GMDS: variants seen among roughly 807,000 people sequenced by gnomAD.
GMDS encodes GDP-mannose 4,6 dehydratase.
Under a neutral mutation model 49.9 loss-of-function variants are expected in GMDS, and 20 were observed. The observed-to-expected ratio is 0.40, with a 90% CI of 0.28 to 0.58. The LOEUF (loss-of-function observed/expected upper bound fraction) is 0.58, where lower values mean the gene tolerates loss of function less well. GMDS is among the 20% of genes least tolerant of loss of function. GMDS has a pLI of 0.42. For synonymous variants in GMDS, 177 were observed against 178.6 expected (o/e 0.99, Z 0.07); for missense variants, 362 against 481.4 (o/e 0.75, Z 2.32).
intron 4 of GMDS, among the ~76,000 whole-genome samples, chr6:2,074,115 T>C (rs1772175870): frequency 6.6e-6 from 1 of 152,212 alleles, no homozygotes; most frequent in African/African-American, 2.4e-5. Context: ...AGTGGTTGTA[T>C]TAATTCACCT....
At chr6:1,768,235 A>T (rs1379315486) in intron 7 of GMDS, among the ~76,000 whole-genome samples, 1 of 152,248 alleles carries the variant, frequency 6.6e-6, no homozygotes, top group Non-Finnish European at 1.5e-5. Flanking sequence ...ACTTCAGTAA[A>T]GCATACAATG....
chr6:1,962,493 C>A (rs944660703), intron 4 of GMDS, among the ~76,000 whole-genome samples: 5 of 152,168 alleles, frequency 3.3e-5, no homozygotes, highest in Non-Finnish European at 7.3e-5. Flanking sequence ...AAAATGCCTG[C>A]GTCATTTCAC....
Position 2,086,675 on chromosome 6 carries a change from C to T in GMDS, c.345+29096G>A, listed in dbSNP as rs78315420. 9.9e-3 allele frequency among the ~76,000 whole-genome samples: 1,505 copies of T among 152,324 alleles called. 10 individuals carry two copies. Among genetic ancestry groups the T allele is most frequent in the Non-Finnish European group, 0.016 (1,077 of 68,026 alleles). ...AAAGTTGCTGATAGATTTTCTTCTG[C>T]CTGTGCACATCAGTTAAATGTGTTT... is the stretch of plus-strand genomic sequence containing the variant. On this transcript the variant is annotated intron_variant, in intron 4 of 10. Transcript: ENST00000380815.
intron 7 of GMDS, among the ~76,000 whole-genome samples, chr6:1,902,127 CATTGAGA>C (rs1760532399): frequency 6.6e-6 from 1 of 152,208 alleles, no homozygotes; most frequent in South Asian, 2.1e-4. Context: ...TAATTCTGCA[CATTGAGA>C]ATTAAGTATG....
Position 1,988,852 on chromosome 6 carries a change from A to G in GMDS, c.346-27886T>C, listed in dbSNP as rs559352290. ...ATATAGATAAATGGTTTGGAAAAAA[A>G]CACAGGTGAGAACCAAAAAAAAAAA... On this transcript the variant is annotated intron_variant, in intron 4 of 10. Coordinates refer to ENST00000380815, the MANE Select transcript of GMDS (RefSeq NM_001500.4). Among the ~76,000 whole-genome samples the G allele has an allele frequency of 7.9e-5, 12 of 152,062 alleles. No individual in the cohort carries two copies. The East Asian group carries it at 9.7e-4, about 12-fold the overall frequency.
rs114056451 is a variant in GMDS at position 1,793,025 on chromosome 6, G to A, written c.772-50439C>T. 1.2e-3 allele frequency among the ~76,000 whole-genome samples: 189 copies of A among 152,066 alleles called. 1 individual carries two copies. The highest frequency in any genetic ancestry group is 3.3e-3 in the Admixed American group (51 of 15,282). On this transcript the variant is annotated intron_variant, in intron 7 of 10. Transcript: ENST00000380815. ...TCTCACTATGAAATTCTTATTAGAC[G>A]TTTTCACTCTTCAGTATATCCTCTA...
intron 7 of GMDS, among the ~76,000 whole-genome samples, chr6:1,864,952 T>C (rs771053887): frequency 5.3e-5 from 8 of 152,260 alleles, no homozygotes; most frequent in Non-Finnish European, 7.3e-5. Context: ...CTTGTTTTCA[T>C]ATTTCATTTG....
intron 9 of GMDS, among the ~76,000 whole-genome samples, chr6:1,711,552 AT>A (rs1444174680): frequency 6.6e-6 from 1 of 152,254 alleles, no homozygotes; most frequent in African/African-American, 2.4e-5. Flanking sequence ...TGGGTGGGAA[AT>A]AAATGTACAA....
chr6:1,780,477 G>C (rs967287252), intron 7 of GMDS, among the ~76,000 whole-genome samples: 9 of 152,216 alleles, frequency 5.9e-5, no homozygotes, highest in African/African-American at 1.9e-4. Flanking sequence ...CTGCTGGCCT[G>C]GGAGAGGACG....
At chr6:1,726,904 C>G (rs1329353947) in intron 8 of GMDS, among the ~76,000 whole-genome samples, 5 of 151,696 alleles carry the variant, frequency 3.3e-5, no homozygotes, top group Non-Finnish European at 5.9e-5. Flanking sequence ...AAATTAATGT[C>G]TTCTGTCTTC....
intron 7 of GMDS, among the ~76,000 whole-genome samples, chr6:1,771,407 T>G (rs1768571208): frequency 6.6e-6 from 1 of 152,206 alleles, no homozygotes; most frequent in South Asian, 2.1e-4. Context: ...GCAAGTCACC[T>G]CCGCTGTAAA....
At chr6:1,921,059 T>C (rs1330254179) in intron 7 of GMDS, among the ~76,000 whole-genome samples, 1 of 152,192 alleles carries the variant, frequency 6.6e-6, no homozygotes, top group East Asian at 1.9e-4. Context: ...TGTGGTTAAT[T>C]GCTACCCATT....
intron 9 of GMDS, among the ~76,000 whole-genome samples, chr6:1,684,075 T>C (rs934311787): frequency 3.3e-5 from 5 of 151,620 alleles, no homozygotes; most frequent in Admixed American, 2.0e-4. Context: ...TCAGTAGACC[T>C]GGATCCGCCC....
At chr6:1,673,970 A>ATTTTTTTTTTTTTT (rs1554106277) in intron 9 of GMDS, among the ~76,000 whole-genome samples, 1 of 144,974 alleles carries the variant, frequency 6.9e-6, no homozygotes, top group African/African-American at 2.5e-5. Context: ...TAGGTTGATT[A>ATTTTTTTTTTTTTT]TTAATAATGC....
intron 9 of GMDS, among the ~76,000 whole-genome samples, chr6:1,691,910 G>T (rs1212992593): frequency 2.0e-5 from 3 of 152,126 alleles, no homozygotes; most frequent in African/African-American, 4.8e-5. Flanking sequence ...AACTTGACTG[G>T]ATTGAAGGAT....
intron 4 of GMDS, among the ~76,000 whole-genome samples, chr6:2,090,919 G>A (rs1370920523): frequency 6.6e-6 from 1 of 152,158 alleles, no homozygotes. Flanking sequence ...ATAAATATTT[G>A]GAAATTCCAA....
At chr6:1,901,911 A>T (rs1760521224) in intron 7 of GMDS, among the ~76,000 whole-genome samples, 1 of 152,236 alleles carries the variant, frequency 6.6e-6, no homozygotes, top group Non-Finnish European at 1.5e-5. Context: ...ACACACACAG[A>T]GGGGAGACAG....
chr6:1,756,751 G>A (rs1426708194), intron 7 of GMDS, among the ~76,000 whole-genome samples: 1 of 152,226 alleles, frequency 6.6e-6, no homozygotes, highest in East Asian at 1.9e-4. Context: ...TCTCCTCCAC[G>A]TGGCCATTCT....
intron 1 of GMDS, among the ~76,000 whole-genome samples, chr6:2,195,405 A>C (rs1231189533): frequency 6.6e-6 from 1 of 152,180 alleles, no homozygotes. Context: ...TATGAGAACC[A>C]AAACTGAGAT....
Sources: allele counts gnomAD v4.1 joint callset (sites outside exome capture counted in the v4.1 genomes callset), GRCh38; gene constraint gnomAD v4.1.1; transcripts MANE v1.5; gene names NCBI Gene and HGNC (gene_info 2026-07-23, HGNC 2026-07-21).